The following MTUS1 variants were observed in gnomAD, a reference collection of about 807,000 sequenced individuals.
MTUS1 encodes the protein microtubule associated scaffold protein 1, also known as microtubule-associated tumor suppressor 1.
A neutral mutation model predicts 120.8 loss-of-function variants in MTUS1; 109 were observed. That is an observed-to-expected ratio of 0.90 (90% CI 0.77 to 1.06). The LOEUF (loss-of-function observed/expected upper bound fraction) is 1.06. Among genes scored for constraint, MTUS1 ranks in the 50% least tolerant of loss-of-function variants. The pLI is 0.00. For synonymous variants in MTUS1, 737 were observed against 550.5 expected (o/e 1.34, Z -4.74); for missense variants, 2,210 against 1,486.3 (o/e 1.49, Z -8.01).
At chr8:17,742,706 C>T (rs1360382524) in intron 3 of MTUS1, among the ~76,000 whole-genome samples, 1 of 152,158 alleles carries the variant, frequency 6.6e-6, no homozygotes, top group Non-Finnish European at 1.5e-5. Flanking sequence ...CAGGCTTTCA[C>T]ACTTGAGGCT....
In MTUS1 at chr8:17,715,863, G is replaced by A; in HGVS notation, c.2488C>T (p.Pro830Ser). 6.2e-7 allele frequency: 1 copy of A among 1,614,038 alleles called. No individual in the cohort carries two copies. Reference protein sequence around the residue: ...AAVIKYEEKPPKPAFQNGSSG... With the variant: ...AAVIKYEEKPSKPAFQNGSSG... ...GAACCATTCTGAAATGCTGGTTTTG[G>A]AGGTTTCTCCTCATATTTGATGACA... is the stretch of plus-strand genomic sequence containing the variant. The change falls in exon 5 of 15, where the codon CCA becomes TCA. Residue 830 changes from proline to serine, a missense_variant. Physicochemically the swap from Pro to Ser is moderately conservative, Grantham distance 74. Transcript: ENST00000693296.
chr8:17,703,669 C>T lies in MTUS1; in HGVS notation c.2623+9545G>A, dbSNP rs189880565. Among the ~76,000 whole-genome samples, 166 of 151,104 alleles carry T rather than the reference C, an allele frequency of 1.1e-3. 2 individuals are homozygous for T. The highest frequency in any genetic ancestry group is 3.5e-3 in the Middle Eastern group (1 of 288). On this transcript the variant is annotated intron_variant, in intron 6 of 14. Coordinates refer to ENST00000693296, the MANE Select transcript of MTUS1 (RefSeq NM_001363059.2). ...AGGACTGAGAGAGATACGCCCTGGT[C>T]TCCTAGTCTCCTGCAGTACCCTCAG...
chr8:17,723,663 T>C lies in MTUS1; in HGVS notation c.2449+9A>G, dbSNP rs753620094. The C allele has an allele frequency of 6.2e-7, 1 of 1,606,566 alleles. No homozygotes were observed. The highest frequency in any genetic ancestry group is 8.5e-7 in the Non-Finnish European group (1 of 1,173,780). ...ACAACCCCCGAAGTGTGATATAAAGTCGACTTACAATTGTTGCTGTAAGTG... is the reference window on the plus strand; with the variant it reads ...ACAACCCCCGAAGTGTGATATAAAGCCGACTTACAATTGTTGCTGTAAGTG... On this transcript the variant is annotated intron_variant, in intron 4 of 14. Transcript: ENST00000693296.
At chr8:17,783,268 G>C (rs1563386250) in intron 1 of MTUS1, among the ~76,000 whole-genome samples, 1 of 152,194 alleles carries the variant, frequency 6.6e-6, no homozygotes, top group Non-Finnish European at 1.5e-5. Context: ...GAAGGTGAGT[G>C]AGGTGTTCTC....
In MTUS1 at chr8:17,755,902, C is replaced by T. The variant is rs534940485; in HGVS notation, c.-95G>A. 2 of 1,494,036 alleles carry T rather than the reference C, an allele frequency of 1.3e-6. No homozygotes were observed. The highest frequency in any genetic ancestry group is 1.8e-6 in the Non-Finnish European group (2 of 1,130,264). 92.5% of individuals were successfully genotyped at this position (1,494,036 alleles called of 1,614,324 possible). A position where few individuals can be genotyped will look rare whatever the true frequency, so the allele number is the denominator to read the frequency against. ...AAAATGGTCTGTCTTCTAGGTTTTTCAGCACAGTTGAAAGGTTTTCAGTCT... is the reference window on the plus strand; with the variant it reads ...AAAATGGTCTGTCTTCTAGGTTTTTTAGCACAGTTGAAAGGTTTTCAGTCT... On this transcript the variant is annotated 5_prime_UTR_variant, in exon 2 of 15. Coordinates refer to ENST00000693296, the MANE Select transcript of MTUS1 (RefSeq NM_001363059.2).
rs1327210367 is a variant in MTUS1, at chr8:17,644,371, A to C, written c.*1555T>G. On this transcript the variant is annotated 3_prime_UTR_variant, in exon 15 of 15. Transcript: ENST00000693296. ...AGCATCCTGAATCTCTTCTTACTAC[A>C]GCTGTTATTTGTACAGCCACTGAAT... is the stretch of plus-strand genomic sequence containing the variant. The C allele has an allele frequency of 6.6e-6, 1 of 152,654 alleles. No homozygotes were observed. The highest frequency in any genetic ancestry group is 2.4e-5 in the African/African-American group (1 of 41,456). 9.5% of individuals were successfully genotyped at this position (152,654 alleles called of 1,614,324 possible).
intron 1 of MTUS1, among the ~76,000 whole-genome samples, chr8:17,777,030 C>T (rs912752126): frequency 2.6e-5 from 4 of 152,138 alleles, no homozygotes; most frequent in African/African-American, 9.7e-5. Flanking sequence ...CTGAACACAG[C>T]CCCTCCTACT....
chr8:17,774,878 A>G (rs943663553), intron 1 of MTUS1, among the ~76,000 whole-genome samples: 1 of 151,002 alleles, frequency 6.6e-6, no homozygotes, highest in Admixed American at 6.6e-5. Context: ...ACAAAATGTG[A>G]TCTATACATA....
intron 1 of MTUS1, among the ~76,000 whole-genome samples, chr8:17,756,227 G>A (rs936074284): frequency 1.3e-5 from 2 of 152,128 alleles, no homozygotes; most frequent in Non-Finnish European, 2.9e-5. Flanking sequence ...TAACTGATAT[G>A]CCTCTCCCCC....
At chr8:17,687,023 G>C (rs894917997) in intron 6 of MTUS1, among the ~76,000 whole-genome samples, 7 of 152,080 alleles carry the variant, frequency 4.6e-5, no homozygotes, top group African/African-American at 1.7e-4. Flanking sequence ...TTTTTCCTTG[G>C]GGAAACTACA....
intron 3 of MTUS1, among the ~76,000 whole-genome samples, chr8:17,730,944 T>A: frequency 6.6e-6 from 1 of 152,162 alleles, no homozygotes; most frequent in South Asian, 2.1e-4. Context: ...AGCTGTACAT[T>A]TAAAAAATTG....
At chr8:17,684,992 T>C (rs575501158) in intron 6 of MTUS1, among the ~76,000 whole-genome samples, 1 of 152,306 alleles carries the variant, frequency 6.6e-6, no homozygotes, top group African/African-American at 2.4e-5. Context: ...TCTACAAATC[T>C]TTTACCTTTT....
At chr8:17,749,623 A>G (rs1586150247) in intron 2 of MTUS1, among the ~76,000 whole-genome samples, 1 of 149,306 alleles carries the variant, frequency 6.7e-6, no homozygotes. Flanking sequence ...AGATCACACC[A>G]CTGCACCCCC....
chr8:17,663,074 A>C (rs983751783), intron 8 of MTUS1, among the ~76,000 whole-genome samples: 3 of 131,798 alleles, frequency 2.3e-5, no homozygotes, highest in Non-Finnish European at 5.1e-5. Flanking sequence ...AAAAAATCGT[A>C]ATCAGTGAAA....
In MTUS1 at chr8:17,645,508, T is replaced by G. The variant is rs1255797937; in HGVS notation, c.*418A>C. The G allele has an allele frequency of 5.9e-6, 1 of 170,894 alleles. No homozygotes were observed. The highest frequency in any genetic ancestry group is 2.4e-5 in the African/African-American group (1 of 41,730). 10.6% of individuals were successfully genotyped at this position (170,894 alleles called of 1,614,324 possible). A position where few individuals can be genotyped will look rare whatever the true frequency, so the allele number is the denominator to read the frequency against. On this transcript the variant is annotated 3_prime_UTR_variant, in exon 15 of 15. Transcript: ENST00000693296. Reference sequence around the variant, plus strand: ...TGACACTCTGTGACATCCATTTCATTCACACCCCCCACCCCCACAGTCAGA... The same window carrying G: ...TGACACTCTGTGACATCCATTTCATGCACACCCCCCACCCCCACAGTCAGA...
chr8:17,653,048 C>T (rs571240054), intron 12 of MTUS1, 138 bp downstream of exon 12: 13 of 569,440 alleles, frequency 2.3e-5, no homozygotes, highest in Non-Finnish European at 3.4e-5. Flanking sequence ...TTGTTTTACA[C>T]ACCTTAGAAA....
chr8:17,648,364 A>T (rs186414072), intron 13 of MTUS1, among the ~76,000 whole-genome samples: 77 of 152,334 alleles, frequency 5.1e-4, no homozygotes, highest in African/African-American at 1.8e-3. Context: ...CAAATAGTAG[A>T]TCATCAGAAA....
intron 6 of MTUS1, 118 bp from the exon 7 acceptor site, chr8:17,684,660 T>A: frequency 1.3e-6 from 1 of 782,202 alleles, no homozygotes; most frequent in Non-Finnish European, 2.2e-6. Flanking sequence ...TATGTTGCTG[T>A]AAGGAATGCA....
At position 17,645,046 on chromosome 8, in the gene MTUS1, TTTC is replaced by T. The variant is rs1805516065; in HGVS notation, c.*877_*879del. On this transcript the variant is annotated 3_prime_UTR_variant, in exon 15 of 15. Transcript: ENST00000693296. ...AAACCCATTGGTACTTCCCTTTTTC[TTTC>T]TTTACACAGTTAGTTAGTTAGTTTG... The T allele has an allele frequency of 1.0e-5, 1 of 99,018 alleles. No individual in the cohort carries two copies. Among genetic ancestry groups the T allele is most frequent in the Admixed American group, 1.2e-4 (1 of 8,646 alleles). The allele number at this position is 99,018 out of a possible 1,614,324, so 6.1% of individuals were successfully genotyped here.
Sources: gnomAD v4.1 joint callset for allele counts (sites outside exome capture counted in the v4.1 genomes callset) on GRCh38, gnomAD v4.1.1 for gene constraint, MANE v1.5 for transcripts, NCBI Gene and HGNC (gene_info 2026-07-23, HGNC 2026-07-21) for gene names.